The following GNAQ variants were observed in gnomAD, a reference collection of about 807,000 sequenced individuals.
GNAQ encodes G protein subunit alpha q.
In GNAQ, 8 loss-of-function variants were observed where a neutral mutation model predicts 43.9. The ratio of observed to expected loss-of-function variants is 0.18; its 90% CI spans 0.11 to 0.33. The LOEUF is 0.33. Ranked by LOEUF, GNAQ falls within the 10% of genes least tolerant of loss-of-function variation. The pLI, the probability that GNAQ is intolerant of heterozygous loss-of-function variation, is 1.00. For missense variants in GNAQ, 158 were observed against 450.8 expected (o/e 0.35, Z 5.88); for synonymous variants, 155 against 170.7 (o/e 0.91, Z 0.71).
intron 5 of GNAQ, among the ~76,000 whole-genome samples, chr9:77,749,942 T>C (rs1307687579): frequency 6.6e-6 from 1 of 152,126 alleles, no homozygotes; most frequent in Non-Finnish European, 1.5e-5. Flanking sequence ...ATTGTTCATA[T>C]TCTGTATTTC....
intron 1 of GNAQ, among the ~76,000 whole-genome samples, chr9:77,972,244 T>C (rs1460728871): frequency 6.6e-6 from 1 of 152,090 alleles, no homozygotes; most frequent in African/African-American, 2.4e-5. Context: ...GAAAAAACTA[T>C]TATAGAATTA....
intron 2 of GNAQ, among the ~76,000 whole-genome samples, chr9:77,868,720 G>A (rs886193009): frequency 1.3e-5 from 2 of 152,304 alleles, no homozygotes; most frequent in Admixed American, 6.5e-5. Context: ...ACTTGAACCC[G>A]GGAGGCAGAG....
intron 1 of GNAQ, among the ~76,000 whole-genome samples, chr9:78,016,835 T>C (rs1157111921): frequency 6.6e-6 from 1 of 152,214 alleles, no homozygotes; most frequent in Non-Finnish European, 1.5e-5. Flanking sequence ...AAATAAAAAC[T>C]GTAAAATGAA....
At chr9:77,995,497 T>C (rs553900276) in intron 1 of GNAQ, among the ~76,000 whole-genome samples, 20 of 152,100 alleles carry the variant, frequency 1.3e-4, no homozygotes, top group Non-Finnish European at 2.8e-4. Context: ...AACATATATA[T>C]ATATTTTTTC....
At chr9:77,760,727 T>C (rs939142640) in intron 5 of GNAQ, among the ~76,000 whole-genome samples, 104 of 146,064 alleles carry the variant, frequency 7.1e-4, no homozygotes, top group Middle Eastern at 3.6e-3. Context: ...GTGAGGAGCG[T>C]CTCTGCCCGG....
chr9:77,868,587 A>G (rs970769337), intron 2 of GNAQ, among the ~76,000 whole-genome samples: 3 of 151,822 alleles, frequency 2.0e-5, no homozygotes, highest in East Asian at 2.0e-4. Flanking sequence ...CATGAGGTCA[A>G]GAGATCAAGA....
chr9:77,726,952 C>T lies in GNAQ; in HGVS notation c.889+1562G>A, dbSNP rs556396810. On this transcript the variant is annotated intron_variant, in intron 6 of 6. Coordinates refer to ENST00000286548, the MANE Select transcript of GNAQ (RefSeq NM_002072.5). ...CTATCTCTGTCACAATTATCCAATT[C>T]TGCTGTTATGGTGTGAAAGCAGCCA... Among the ~76,000 whole-genome samples, 5 of 152,274 alleles carry T rather than the reference C, an allele frequency of 3.3e-5. No homozygotes were observed. In the South Asian group the frequency reaches 1.0e-3, roughly 32 times the overall value.
chr9:77,973,541 G>A (rs546350588), intron 1 of GNAQ, among the ~76,000 whole-genome samples: 6 of 152,286 alleles, frequency 3.9e-5, no homozygotes, highest in African/African-American at 1.4e-4. Flanking sequence ...CAATGGCCGG[G>A]TGCAGTGGCT....
intron 1 of GNAQ, among the ~76,000 whole-genome samples, chr9:78,020,529 T>A (rs1464151474): frequency 6.6e-6 from 1 of 152,128 alleles, no homozygotes; most frequent in East Asian, 1.9e-4. Flanking sequence ...CAACCCACCA[T>A]CTGGGTGAGG....
intron 1 of GNAQ, among the ~76,000 whole-genome samples, chr9:77,985,007 A>G (rs1280729277): frequency 6.6e-6 from 1 of 152,148 alleles, no homozygotes; most frequent in Non-Finnish European, 1.5e-5. Flanking sequence ...TTCCCCCTAC[A>G]TGGTTTTCAA....
intron 1 of GNAQ, among the ~76,000 whole-genome samples, chr9:77,979,501 G>A (rs1053920821): frequency 2.6e-5 from 4 of 151,694 alleles, no homozygotes; most frequent in African/African-American, 9.7e-5. Flanking sequence ...AATACCAGCT[G>A]GAGTTCATCC....
At chr9:77,833,794 A>C (rs1265726170) in intron 2 of GNAQ, among the ~76,000 whole-genome samples, 2 of 152,190 alleles carry the variant, frequency 1.3e-5, no homozygotes, top group Non-Finnish European at 2.9e-5. Flanking sequence ...TAAATCTTAC[A>C]GTTGCCACCC....
intron 5 of GNAQ, among the ~76,000 whole-genome samples, chr9:77,752,162 T>A (rs967408754): frequency 6.6e-6 from 1 of 152,220 alleles, no homozygotes; most frequent in Non-Finnish European, 1.5e-5. Flanking sequence ...GCAGTTGAAT[T>A]GTCAAACAGA....
At chr9:77,835,892 T>C (rs1827375740) in intron 2 of GNAQ, among the ~76,000 whole-genome samples, 1 of 152,194 alleles carries the variant, frequency 6.6e-6, no homozygotes, top group Admixed American at 6.5e-5. Context: ...TTTATTTATT[T>C]TGTATTAAAA....
chr9:78,030,946 G>A (rs1318016320), intron 1 of GNAQ, among the ~76,000 whole-genome samples, 154 bp downstream of exon 1: 1 of 151,586 alleles, frequency 6.6e-6, no homozygotes, highest in Non-Finnish European at 1.5e-5. Context: ...CCGCGCGCCC[G>A]CGCGGGTGAA....
chr9:77,736,494 G>C (rs530190290), intron 5 of GNAQ, among the ~76,000 whole-genome samples: 5 of 152,126 alleles, frequency 3.3e-5, no homozygotes, highest in African/African-American at 1.2e-4. Flanking sequence ...CAAATTTGGC[G>C]AAGGTTTTAA....
intron 2 of GNAQ, among the ~76,000 whole-genome samples, chr9:77,817,652 A>G (rs1472636760): frequency 1.3e-5 from 2 of 152,256 alleles, no homozygotes; most frequent in African/African-American, 4.8e-5. Context: ...GAATACATCT[A>G]CAACGCACAG....
intron 5 of GNAQ, among the ~76,000 whole-genome samples, chr9:77,734,750 T>G (rs762337684): frequency 5.3e-5 from 8 of 152,210 alleles, no homozygotes; most frequent in Non-Finnish European, 1.2e-4. Context: ...TGGGATTCTG[T>G]GTCCCCTAAG....
chr9:77,893,524 G>C (rs543785008), intron 2 of GNAQ, among the ~76,000 whole-genome samples: 24 of 152,312 alleles, frequency 1.6e-4, no homozygotes, highest in African/African-American at 5.8e-4. Context: ...AGCATACTCA[G>C]TTGAGCAGCC....
Sources: gnomAD v4.1 joint callset for allele counts (sites outside exome capture counted in the v4.1 genomes callset) on GRCh38, gnomAD v4.1.1 for gene constraint, MANE v1.5 for transcripts, NCBI Gene and HGNC (gene_info 2026-07-23, HGNC 2026-07-21) for gene names.